The following ASB3 variants were observed in gnomAD, a reference collection of about 807,000 sequenced individuals.
ASB3 encodes the protein ankyrin repeat and SOCS box containing 3.
In ASB3, 41 loss-of-function variants were observed where a neutral mutation model predicts 54.5. The observed-to-expected ratio is 0.75, with a 90% confidence interval of 0.59 to 0.98. The LOEUF is 0.98. Among genes scored for constraint, ASB3 ranks in the 50% least tolerant of loss-of-function variants. The pLI is 0.00. For missense variants in ASB3, 733 were observed against 620.0 expected, an observed-to-expected ratio of 1.18 and a Z score of -1.94; for synonymous variants, 266 against 221.2, an observed-to-expected ratio of 1.20 and a Z score of -1.80.
chr2:53,724,996 C>A (rs1389902326), intron 5 of ASB3, among the ~76,000 whole-genome samples: 3 of 152,098 alleles, frequency 2.0e-5, no homozygotes, highest in African/African-American at 7.2e-5. Context: ...CATCACGGCA[C>A]CATTCACAAT....
chr2:53,728,940 TC>T, intron 4 of ASB3, 93 bp from the exon 5 acceptor site: 2 of 1,391,008 alleles, frequency 1.4e-6, no homozygotes, highest in Non-Finnish European at 1.9e-6. Context: ...TTTTTTATCC[TC>T]TCACTAAAGG....
At chr2:53,757,765 C>A (rs1281233291) in intron 2 of ASB3, among the ~76,000 whole-genome samples, 13 of 152,146 alleles carry the variant, frequency 8.5e-5, no homozygotes, top group South Asian at 2.1e-4. Flanking sequence ...GGGACCCATT[C>A]CCCACCACCC....
At chr2:53,744,676 A>G (rs1672132578) in intron 3 of ASB3, among the ~76,000 whole-genome samples, 1 of 152,204 alleles carries the variant, frequency 6.6e-6, no homozygotes. Context: ...AACATAATAT[A>G]TAAAGAGATA....
intron 5 of ASB3, among the ~76,000 whole-genome samples, chr2:53,716,949 G>A (rs1670430677): frequency 6.6e-6 from 1 of 152,166 alleles, no homozygotes; most frequent in African/African-American, 2.4e-5. Context: ...TGACAGGGTA[G>A]CTCATGCCTG....
At position 53,703,712 on chromosome 2, in the gene ASB3, C is replaced by T. The variant is rs72793657; in HGVS notation, c.981-3184G>A. 2.3e-3 allele frequency among the ~76,000 whole-genome samples: 349 copies of T among 152,080 alleles called. No homozygotes were observed. In the Middle Eastern group the frequency reaches 0.031, roughly 13 times the overall value. ...AAAAGTTTATTAGAATACAACAGGT[C>T]AATAGTGCAAGAAAGTCCACAAATA... On this transcript the variant is annotated intron_variant, in intron 7 of 9. Coordinates refer to ENST00000263634, the MANE Select transcript of ASB3 (RefSeq NM_016115.5).
intron 9 of ASB3, among the ~76,000 whole-genome samples, chr2:53,678,194 T>C (rs1177182229): frequency 6.6e-6 from 1 of 152,062 alleles, no homozygotes; most frequent in African/African-American, 2.4e-5. Flanking sequence ...TCTTGGTAAA[T>C]TACCAGTACA....
intron 9 of ASB3, among the ~76,000 whole-genome samples, chr2:53,682,739 A>G (rs1251127755): frequency 6.6e-6 from 1 of 152,134 alleles, no homozygotes; most frequent in Non-Finnish European, 1.5e-5. Context: ...GGCCTCCCAA[A>G]GTGCTGGGAT....
chr2:53,779,962 A>G (rs1391764058), intron 1 of ASB3, among the ~76,000 whole-genome samples: 1 of 152,216 alleles, frequency 6.6e-6, no homozygotes, highest in Non-Finnish European at 1.5e-5. Context: ...TTTTTGTGAT[A>G]AGGCTTAAAA....
chr2:53,736,508 C>CTAA (rs1671637609), intron 3 of ASB3, among the ~76,000 whole-genome samples: 2 of 151,414 alleles, frequency 1.3e-5, no homozygotes, highest in African/African-American at 4.9e-5. Flanking sequence ...ACCATCCTGG[C>CTAA]TAACACGGTG....
intron 6 of ASB3, among the ~76,000 whole-genome samples, chr2:53,716,311 G>T (rs1056351019): frequency 6.6e-6 from 1 of 152,112 alleles, no homozygotes; most frequent in African/African-American, 2.4e-5. Flanking sequence ...AAATCAATGG[G>T]AAGAGTCAAC....
chr2:53,728,436 A>C lies in ASB3; in HGVS notation c.604+276T>G, dbSNP rs528070373. On this transcript the variant is annotated intron_variant, in intron 5 of 9. Coordinates refer to ENST00000263634, the MANE Select transcript of ASB3 (RefSeq NM_016115.5). ...TGAAACTGCTCAAGTCCCTACAGGAAAGGACAGCCCCATCATTCAACTTGC... is the reference window on the plus strand; with the variant it reads ...TGAAACTGCTCAAGTCCCTACAGGACAGGACAGCCCCATCATTCAACTTGC... Among the ~76,000 whole-genome samples, 60 of 152,326 alleles carry C rather than the reference A, an allele frequency of 3.9e-4. 1 individual carries two copies. The South Asian group carries it at 0.012, about 30-fold the overall frequency.
intron 3 of ASB3, among the ~76,000 whole-genome samples, chr2:53,730,108 G>C (rs1671217644): frequency 6.6e-6 from 1 of 152,112 alleles, no homozygotes; most frequent in African/African-American, 2.4e-5. Context: ...TGAACTAAAA[G>C]CGGATTCCAG....
intron 5 of ASB3, among the ~76,000 whole-genome samples, chr2:53,718,083 A>G (rs185691816): frequency 6.6e-6 from 1 of 152,296 alleles, no homozygotes; most frequent in East Asian, 1.9e-4. Context: ...CCTGAGAGAG[A>G]AGGAGAAAAA....
chr2:53,772,621 A>G (rs962546999), intron 1 of ASB3, among the ~76,000 whole-genome samples: 2 of 151,510 alleles, frequency 1.3e-5, no homozygotes, highest in Non-Finnish European at 2.9e-5. Flanking sequence ...TACCAGTCTC[A>G]TTTTCAGCAG....
intron 9 of ASB3, among the ~76,000 whole-genome samples, chr2:53,671,568 T>C (rs1330931592): frequency 1.3e-5 from 2 of 152,164 alleles, no homozygotes; most frequent in African/African-American, 4.8e-5. Context: ...AAAACCAGCC[T>C]GACCAACATG....
chr2:53,763,838 T>C (rs1021564253), intron 2 of ASB3, among the ~76,000 whole-genome samples: 2 of 152,214 alleles, frequency 1.3e-5, no homozygotes, highest in African/African-American at 4.8e-5. Context: ...TTCAAACAGA[T>C]TCTGAAAACA....
chr2:53,760,793 G>A (rs74195891), intron 2 of ASB3, among the ~76,000 whole-genome samples: 9,298 of 152,180 alleles, frequency 0.061, 486 homozygotes, highest in East Asian at 0.28. Flanking sequence ...TGGCACTTCA[G>A]GCCTACATTT....
chr2:53,774,010 G>A, intron 1 of ASB3: 1 of 1,015,494 alleles, frequency 9.8e-7, no homozygotes, highest in East Asian at 2.6e-5. Context: ...ACCACAGCCT[G>A]GGCAACAGAC....
intron 5 of ASB3, among the ~76,000 whole-genome samples, chr2:53,727,113 T>C (rs10187376): frequency 0.013 from 2,001 of 152,192 alleles, 48 homozygotes; most frequent in African/African-American, 0.046. Flanking sequence ...AGGAAACGAG[T>C]CTAGATCTTT....
Sources: gnomAD v4.1 joint callset for allele counts (sites outside exome capture counted in the v4.1 genomes callset) on GRCh38, gnomAD v4.1.1 for gene constraint, MANE v1.5 for transcripts, NCBI Gene and HGNC (gene_info 2026-07-23, HGNC 2026-07-21) for gene names.